RBMS3: variants seen among roughly 807,000 people sequenced by gnomAD.
The protein encoded by RBMS3 is RNA-binding motif, single-stranded-interacting protein 3.
Under a neutral mutation model 66.8 loss-of-function variants are expected in RBMS3, and 27 were observed. That is an observed-to-expected ratio of 0.40 (90% CI 0.30 to 0.56). The LOEUF (loss-of-function observed/expected upper bound fraction) is 0.56, where lower values mean the gene tolerates loss of function less well. Ranked by LOEUF, RBMS3 falls within the 20% of genes least tolerant of loss-of-function variation. RBMS3 has a pLI of 0.40. For synonymous variants in RBMS3, 188 were observed against 183.0 expected, an observed-to-expected ratio of 1.03 and a Z score of -0.22; for missense variants, 513 against 549.5, an observed-to-expected ratio of 0.93 and a Z score of 0.66.
intron 1 of RBMS3, among the ~76,000 whole-genome samples, chr3:29,362,331 T>A (rs143286496): frequency 0.021 from 3,273 of 152,308 alleles, 115 homozygotes; most frequent in African/African-American, 0.074. Flanking sequence ...CCTGTTTGCC[T>A]GGGTATCAGC....
intron 4 of RBMS3, among the ~76,000 whole-genome samples, chr3:29,589,986 T>C (rs1310020395): frequency 6.6e-6 from 1 of 152,080 alleles, no homozygotes; most frequent in African/African-American, 2.4e-5. Context: ...TGTCAACCAA[T>C]AGCAAGTTAC....
At chr3:29,585,821 C>T (rs2047499792) in intron 3 of RBMS3, among the ~76,000 whole-genome samples, 1 of 152,026 alleles carries the variant, frequency 6.6e-6, no homozygotes, top group South Asian at 2.1e-4. Flanking sequence ...ATTAGAAATA[C>T]AAACTTCACA....
chr3:29,946,866 G>C (rs1392835973), intron 12 of RBMS3, among the ~76,000 whole-genome samples: 1 of 151,552 alleles, frequency 6.6e-6, no homozygotes, highest in Non-Finnish European at 1.5e-5. Flanking sequence ...TAATCTGTGA[G>C]AATGTTTGAT....
chr3:29,818,148 G>A (rs975129655), intron 6 of RBMS3, among the ~76,000 whole-genome samples: 1 of 152,094 alleles, frequency 6.6e-6, no homozygotes, highest in Non-Finnish European at 1.5e-5. Flanking sequence ...AATGACACAT[G>A]AGAAGCTTAT....
intron 3 of RBMS3, among the ~76,000 whole-genome samples, chr3:29,513,339 A>G (rs559302239): frequency 5.8e-4 from 88 of 152,322 alleles, no homozygotes; most frequent in African/African-American, 1.9e-3. Context: ...CGAAGATATC[A>G]CTAACCAAAG....
intron 4 of RBMS3, among the ~76,000 whole-genome samples, chr3:29,690,890 A>G (rs1474255140): frequency 6.6e-6 from 1 of 152,240 alleles, no homozygotes; most frequent in African/African-American, 2.4e-5. Context: ...AGTTTAACTC[A>G]TGGAACTGAA....
chr3:29,409,666 G>A (rs556326639), intron 1 of RBMS3, among the ~76,000 whole-genome samples: 30 of 152,118 alleles, frequency 2.0e-4, no homozygotes, highest in Non-Finnish European at 2.8e-4. Context: ...TATCATACTC[G>A]TGACTATCTT....
intron 6 of RBMS3, among the ~76,000 whole-genome samples, chr3:29,798,238 G>C (rs944570768): frequency 7.4e-6 from 1 of 135,872 alleles, no homozygotes; most frequent in South Asian, 2.5e-4. Context: ...CACAGAGGAA[G>C]GAAGGAAGGA....
At chr3:29,437,253 G>A (rs2041435860) in intron 2 of RBMS3, among the ~76,000 whole-genome samples, 1 of 152,168 alleles carries the variant, frequency 6.6e-6, no homozygotes, top group Admixed American at 6.5e-5. Context: ...TTATTTTATT[G>A]AAAAGCTGCT....
At chr3:29,859,257 G>A (rs1205563277) in intron 6 of RBMS3, among the ~76,000 whole-genome samples, 1 of 152,064 alleles carries the variant, frequency 6.6e-6, no homozygotes, top group Non-Finnish European at 1.5e-5. Context: ...GAACTAACTG[G>A]TTTCCTAGCT....
intron 4 of RBMS3, among the ~76,000 whole-genome samples, chr3:29,654,658 T>C (rs2050262427): frequency 6.6e-6 from 1 of 151,724 alleles, no homozygotes; most frequent in Non-Finnish European, 1.5e-5. Context: ...TGGTGCAATC[T>C]TGGCTCACTG....
intron 1 of RBMS3, among the ~76,000 whole-genome samples, chr3:29,343,177 A>C (rs1393890551): frequency 6.6e-6 from 1 of 152,142 alleles, no homozygotes; most frequent in Non-Finnish European, 1.5e-5. Flanking sequence ...ATGCGTACAC[A>C]GAGGTTATGA....
At position 29,885,444 on chromosome 3, in the gene RBMS3, GATAA is replaced by G. The variant is rs1049023792; in HGVS notation, c.791+1241_791+1244del. Among the ~76,000 whole-genome samples the G allele has an allele frequency of 9.9e-5, 15 of 151,914 alleles. No homozygotes were observed. In the South Asian group the frequency reaches 2.3e-3, roughly 23 times the overall value. On this transcript the variant is annotated intron_variant, in intron 8 of 14. Transcript: ENST00000383767. The stretch of plus-strand genomic sequence containing the variant: ...TCTAGAATTATATTACGTAGTTGGA[GATAA>G]ATAATTAACTCACAAAGGAAAAAAT...
At chr3:29,486,512 C>G (rs113817301) in intron 2 of RBMS3, among the ~76,000 whole-genome samples, 5,184 of 152,132 alleles carry the variant, frequency 0.034, 115 homozygotes, top group Middle Eastern at 0.051. Flanking sequence ...TGTGATTTTC[C>G]ATTGATAGTA....
chr3:29,901,015 GT>G (rs141635800), intron 10 of RBMS3, among the ~76,000 whole-genome samples: 3 of 151,708 alleles, frequency 2.0e-5, no homozygotes, highest in Admixed American at 1.3e-4. Flanking sequence ...CATTTTGATA[GT>G]TTTTTATTTA....
intron 1 of RBMS3, among the ~76,000 whole-genome samples, chr3:29,361,238 G>T (rs1418793087): frequency 1.3e-5 from 2 of 151,998 alleles, no homozygotes; most frequent in East Asian, 3.8e-4. Flanking sequence ...TGTAGGGCAG[G>T]CCTGGTGGTG....
At chr3:29,875,081 C>T (rs2059580383) in intron 7 of RBMS3, among the ~76,000 whole-genome samples, 1 of 152,130 alleles carries the variant, frequency 6.6e-6, no homozygotes, top group African/African-American at 2.4e-5. Flanking sequence ...AGGAAATATC[C>T]ATGTACCATG....
chr3:29,831,614 G>A (rs537997941), intron 6 of RBMS3, among the ~76,000 whole-genome samples: 4 of 152,030 alleles, frequency 2.6e-5, no homozygotes, highest in East Asian at 1.9e-4. Context: ...TAAATCACTC[G>A]ATACTTGCTG....
At chr3:29,788,287 G>T (rs555320528) in intron 6 of RBMS3, among the ~76,000 whole-genome samples, 1 of 151,072 alleles carries the variant, frequency 6.6e-6, no homozygotes, top group East Asian at 2.0e-4. Flanking sequence ...GTGCAGTGGC[G>T]CCAGCTTGGC....
Sources: allele counts gnomAD v4.1 joint callset (sites outside exome capture counted in the v4.1 genomes callset), GRCh38; gene constraint gnomAD v4.1.1; transcripts MANE v1.5; gene names NCBI Gene and HGNC (gene_info 2026-07-23, HGNC 2026-07-21).